The following GOLM2 variants were observed in gnomAD, a reference collection of about 807,000 sequenced individuals.
GOLM2 encodes protein GOLM2.
A neutral mutation model predicts 55.9 loss-of-function variants in GOLM2; 26 were observed. The ratio of observed to expected loss-of-function variants is 0.47; its 90% CI spans 0.34 to 0.65. GOLM2 has a LOEUF of 0.65. GOLM2 is among the 30% of genes least tolerant of loss of function. The probability of loss-of-function intolerance (pLI) is 0.01; values close to 1 mark genes in which losing one functional copy is unlikely to be tolerated. For missense variants in GOLM2, 486 were observed against 531.8 expected, an observed-to-expected ratio of 0.91 and a Z score of 0.85; for synonymous variants, 165 against 194.6, an observed-to-expected ratio of 0.85 and a Z score of 1.27.
At chr15:44,354,291 G>C (rs575220900) in intron 6 of GOLM2, among the ~76,000 whole-genome samples, 1 of 140,030 alleles carries the variant, frequency 7.1e-6, no homozygotes, top group Non-Finnish European at 1.5e-5. Flanking sequence ...ACACACCAGG[G>C]CCTGTTGTGT....
At chr15:44,344,287 G>GTATATA (rs143483392) in intron 6 of GOLM2, among the ~76,000 whole-genome samples, 1,810 of 138,284 alleles carry the variant, frequency 0.013, 31 homozygotes, top group East Asian at 0.078. Flanking sequence ...ATATGTGTGT[G>GTATATA]TATATATATA....
At chr15:44,353,266 G>A (rs966277656) in intron 6 of GOLM2, among the ~76,000 whole-genome samples, 2 of 152,138 alleles carry the variant, frequency 1.3e-5, no homozygotes, top group East Asian at 1.9e-4. Flanking sequence ...GGAGAAAAGC[G>A]AACCCTCATA....
At chr15:44,380,776 T>G in intron 7 of GOLM2, 30 bp from the exon 8 acceptor site, 1 of 1,365,392 alleles carries the variant, frequency 7.3e-7, no homozygotes, top group Non-Finnish European at 9.6e-7. Context: ...TTAAATTATA[T>G]TCTTTTAATT....
In GOLM2 at chr15:44,328,755, T is replaced by C. The variant is rs765757575; in HGVS notation, c.453T>C (p.Asn151=). 3 of 1,611,300 alleles carry C rather than the reference T, an allele frequency of 1.9e-6. No homozygotes were observed. Among genetic ancestry groups the C allele is most frequent in the Non-Finnish European group, 2.5e-6 (3 of 1,178,996 alleles). ...EDQLQDYRKN[N]TYLVKRLEYE... is the part of the protein sequence containing the mutation. ...AGCTTCAGGACTATAGGAAGAACAA[T>C]ACTTACCTTGTGAAGAGGTTAGAAT... is the stretch of plus-strand genomic sequence containing the variant. Residue 151 remains asparagine, a synonymous_variant, in exon 3 of 10, where the codon AAT becomes AAC. Coordinates refer to ENST00000299957, the MANE Select transcript of GOLM2 (RefSeq NM_138423.4).
chr15:44,303,547 T>C (rs1390412127), intron 1 of GOLM2, among the ~76,000 whole-genome samples: 1 of 152,072 alleles, frequency 6.6e-6, no homozygotes, highest in Non-Finnish European at 1.5e-5. Context: ...AAAGTTTGAG[T>C]TATAAGCATA....
At chr15:44,335,754 CTG>C (rs1341517912) in intron 4 of GOLM2, among the ~76,000 whole-genome samples, 1 of 151,010 alleles carries the variant, frequency 6.6e-6, no homozygotes, top group Non-Finnish European at 1.5e-5. Flanking sequence ...GTCAGAAAGA[CTG>C]TGGTTAGAAT....
intron 6 of GOLM2, among the ~76,000 whole-genome samples, chr15:44,376,754 T>C (rs1188115080): frequency 1.3e-5 from 2 of 152,200 alleles, no homozygotes; most frequent in African/African-American, 4.8e-5. Flanking sequence ...TCAGTACGAC[T>C]AACTATAATA....
chr15:44,302,683 G>A (rs1303575325), intron 1 of GOLM2, among the ~76,000 whole-genome samples: 2 of 151,846 alleles, frequency 1.3e-5, no homozygotes, highest in Non-Finnish European at 2.9e-5. Context: ...TAGAGATGGG[G>A]TTTCATTGTG....
chr15:44,358,855 A>C (rs886152804), intron 6 of GOLM2, among the ~76,000 whole-genome samples: 12 of 152,196 alleles, frequency 7.9e-5, no homozygotes, highest in African/African-American at 2.9e-4. Flanking sequence ...GCTGGACTTC[A>C]TTAAGATTTA....
intron 1 of GOLM2, among the ~76,000 whole-genome samples, chr15:44,310,500 ACC>A (rs1196545463): frequency 8.0e-4 from 108 of 134,582 alleles, no homozygotes; most frequent in African/African-American, 2.4e-3. Flanking sequence ...ACACACACAC[ACC>A]CACACACACA....
intron 1 of GOLM2, among the ~76,000 whole-genome samples, chr15:44,318,251 A>C (rs190483098): frequency 6.6e-6 from 1 of 152,284 alleles, no homozygotes; most frequent in Non-Finnish European, 1.5e-5. Context: ...AGTCATCCTT[A>C]GCTTCCTTCC....
In GOLM2 at chr15:44,379,714, T is replaced by C. The variant is rs2079389291; in HGVS notation, c.827T>C (p.Val276Ala). The change falls in exon 7 of 10, where the codon GTT becomes GCT. Residue 276 changes from valine (V) to alanine (A), a missense_variant. Transcript: ENST00000299957. ...GCTTTAAGGAAGCCTCCTATTTCAG[T>C]TTCTCAACATGAAAGTCATCAAGCA... ...PPALRKPPIS[V>A]SQHESHQAIS... is the part of the protein sequence containing the mutation. The C allele has an allele frequency of 1.2e-6, 2 of 1,607,614 alleles. No homozygotes were observed. The highest frequency in any genetic ancestry group is 1.3e-5 in the African/African-American group (1 of 74,444).
Position 44,381,273 on chromosome 15 carries a change from G to GAGAAAAATAT in GOLM2, c.1072+299_1072+308dup, listed in dbSNP as rs2079401192. Among the ~76,000 whole-genome samples the GAGAAAAATAT allele has an allele frequency of 1.1e-4, 16 of 152,162 alleles. No homozygotes were observed. The South Asian group carries it at 3.3e-3, about 32-fold the overall frequency. On this transcript the variant is annotated intron_variant, in intron 8 of 9. Transcript: ENST00000299957. ...TGAATATAAACTTTTTTGGAGAAAT[G>GAGAAAAATAT]AGAAAAATATATTTTGATAGGCTTA...
Position 44,328,694 on chromosome 15 carries a change from C to T in GOLM2, c.392C>T (p.Ala131Val), listed in dbSNP as rs138401571. Residue 131 changes from alanine (A) to valine (V), a missense_variant, in exon 3 of 10, where the codon GCT becomes GTT. Coordinates refer to ENST00000299957, the MANE Select transcript of GOLM2 (RefSeq NM_138423.4). ...ADIHHLKEQL[A>V]ELRQEFLRQE... ...TACCTTGGGTGGATAGAGCAACTTG[C>T]TGAGCTTCGTCAGGAATTTCTTCGA... The T allele has an allele frequency of 1.2e-6, 2 of 1,612,432 alleles. No individual in the cohort carries two copies. The highest frequency in any genetic ancestry group is 1.7e-6 in the Non-Finnish European group (2 of 1,179,326).
chr15:44,304,244 T>C (rs1198096253), intron 1 of GOLM2, among the ~76,000 whole-genome samples: 14 of 137,944 alleles, frequency 1.0e-4, no homozygotes, highest in Admixed American at 2.9e-4. Context: ...TTTTTTTTTT[T>C]TTTTTTTTTT....
chr15:44,319,077 T>C (rs1161274932), intron 1 of GOLM2, among the ~76,000 whole-genome samples: 2 of 152,210 alleles, frequency 1.3e-5, no homozygotes, highest in Non-Finnish European at 2.9e-5. Flanking sequence ...ATCCTTCTAT[T>C]AAGTTCGCCC....
chr15:44,297,654 C>T (rs537743384), intron 1 of GOLM2, among the ~76,000 whole-genome samples: 47 of 151,590 alleles, frequency 3.1e-4, no homozygotes, highest in African/African-American at 1.0e-3. Context: ...CTCCGCCTCC[C>T]GGGTTCACAC....
In GOLM2 at chr15:44,289,050, C is replaced by A. The variant is rs1431660751; in HGVS notation, c.21C>A (p.Asn7Lys). 1 of 1,613,526 alleles carries A rather than the reference C, an allele frequency of 6.2e-7. No individual in the cohort carries two copies. Among genetic ancestry groups the A allele is most frequent in the East Asian group, 2.2e-5 (1 of 44,874 alleles). Residue 7 changes from asparagine (N) to lysine (K), a missense_variant, in exon 1 of 10, where the codon AAC (asparagine) becomes AAA (lysine). By Grantham distance (94) the Asn-to-Lys change is moderately conservative. Coordinates refer to ENST00000299957, the MANE Select transcript of GOLM2 (RefSeq NM_138423.4). The surrounding 1 kb of genome is among the most constrained non-coding windows in gnomAD (Gnocchi z 4.8). ...GCCCCATGGTGGGTTTCGGGGCCAA[C>A]CGGCGGGCTGGCCGCCTGCCCTCTC... MVGFGA[N>K]RRAGRLPSLV...
intron 1 of GOLM2, among the ~76,000 whole-genome samples, chr15:44,298,257 T>C (rs1369265374): frequency 6.6e-6 from 1 of 151,324 alleles, no homozygotes; most frequent in Non-Finnish European, 1.5e-5. Flanking sequence ...TTTCCTTCTT[T>C]TCTTTTTCTT....
Sources: allele counts gnomAD v4.1 joint callset (sites outside exome capture counted in the v4.1 genomes callset), GRCh38; gene constraint gnomAD v4.1.1; non-coding constraint Gnocchi (gnomAD v3.1); transcripts MANE v1.5; gene names NCBI Gene and HGNC (gene_info 2026-07-23, HGNC 2026-07-21).